OR10J1: variants seen among roughly 807,000 people sequenced by gnomAD.
OR10J1 encodes the protein olfactory receptor family 10 subfamily J member 1.
For synonymous variants in OR10J1, 202 were observed against 143.8 expected, an observed-to-expected ratio of 1.40 and a Z score of -2.89; for missense variants, 474 against 376.6, an observed-to-expected ratio of 1.26 and a Z score of -2.14.
chr1:159,430,627 GC>G, the OR10J1 span, among the ~76,000 whole-genome samples: 1 of 126,184 alleles, frequency 7.9e-6, no homozygotes, highest in Non-Finnish European at 1.7e-5. Context: ...AAGAAAGAAA[GC>G]AAAAAAATTA....
the OR10J1 span, chr1:159,432,839 G>T: frequency 7.6e-5 from 31 of 407,972 alleles, no homozygotes; most frequent in African/African-American, 6.3e-4. Context: ...TCTGCCCATG[G>T]TATTGATCTT....
At chr1:159,412,033 T>C in the OR10J1 span, among the ~76,000 whole-genome samples, 1 of 152,108 alleles carries the variant, frequency 6.6e-6, no homozygotes, top group Non-Finnish European at 1.5e-5. Context: ...AGCATTCTTA[T>C]ACACCAATAA....
At chr1:159,400,805 C>T in the OR10J1 span, among the ~76,000 whole-genome samples, 1 of 151,768 alleles carries the variant, frequency 6.6e-6, no homozygotes, top group South Asian at 2.1e-4. Context: ...CATACAAGAG[C>T]TGCAGAATAC....
the OR10J1 span, among the ~76,000 whole-genome samples, chr1:159,414,242 C>G: frequency 1.3e-5 from 2 of 152,056 alleles, no homozygotes; most frequent in Non-Finnish European, 2.9e-5. Context: ...TCATCACCAC[C>G]CTCCTACCCA....
At chr1:159,409,024 A>C in the OR10J1 span, among the ~76,000 whole-genome samples, 1 of 152,090 alleles carries the variant, frequency 6.6e-6, no homozygotes, top group South Asian at 2.1e-4. Flanking sequence ...CCAAAACACA[A>C]ATGATGAATT....
chr1:159,419,431 A>G, the OR10J1 span, among the ~76,000 whole-genome samples: 3 of 152,150 alleles, frequency 2.0e-5, no homozygotes, highest in Non-Finnish European at 2.9e-5. Context: ...GTTTGCCTGC[A>G]CAAGTTTTCT....
At chr1:159,429,778 G>C in the OR10J1 span, among the ~76,000 whole-genome samples, 1 of 152,070 alleles carries the variant, frequency 6.6e-6, no homozygotes, top group Admixed American at 6.6e-5. Context: ...GGAGAGCCTG[G>C]TGCTGCTTTT....
the OR10J1 span, among the ~76,000 whole-genome samples, chr1:159,416,385 A>G: frequency 2.0e-5 from 3 of 149,854 alleles, no homozygotes; most frequent in South Asian, 2.1e-4. Flanking sequence ...GACTTTTTTT[A>G]TCATGGGGGA....
chr1:159,407,842 GTTAA>G, the OR10J1 span, among the ~76,000 whole-genome samples: 1 of 151,986 alleles, frequency 6.6e-6, no homozygotes, highest in East Asian at 1.9e-4. Context: ...TTAGTTTCTT[GTTAA>G]TTATTTACTG....
chr1:159,417,572 C>T, the OR10J1 span, among the ~76,000 whole-genome samples: 1 of 152,158 alleles, frequency 6.6e-6, no homozygotes, highest in East Asian at 1.9e-4. Context: ...TCACTTTCTG[C>T]CTCCTCAGCC....
At chr1:159,432,329 C>G in the OR10J1 span, 1 of 401,318 alleles carries the variant, frequency 2.5e-6, no homozygotes, top group Non-Finnish European at 4.4e-6. Context: ...CCCTTGCCAG[C>G]AATGCTATCA....
chr1:159,431,649 G>A, the OR10J1 span, among the ~76,000 whole-genome samples: 1 of 152,202 alleles, frequency 6.6e-6, no homozygotes, highest in Non-Finnish European at 1.5e-5. Flanking sequence ...CTTTATAATA[G>A]TGCGAGAGTG....
chr1:159,424,296 A>G, the OR10J1 span, among the ~76,000 whole-genome samples: 1 of 151,498 alleles, frequency 6.6e-6, no homozygotes, highest in Non-Finnish European at 1.5e-5. Flanking sequence ...TGCATTAAAG[A>G]GGAAATAATT....
chr1:159,410,650 C>A, the OR10J1 span, among the ~76,000 whole-genome samples: 3 of 151,292 alleles, frequency 2.0e-5, no homozygotes, highest in Non-Finnish European at 4.4e-5. Flanking sequence ...AAAAAACCAG[C>A]TCCTGGATTC....
the OR10J1 span, among the ~76,000 whole-genome samples, chr1:159,414,195 T>C: frequency 1.3e-5 from 2 of 152,086 alleles, no homozygotes; most frequent in Non-Finnish European, 2.9e-5. Flanking sequence ...ATTTATAACT[T>C]CTAACTGTAT....
At chr1:159,422,314 C>T in the OR10J1 span, among the ~76,000 whole-genome samples, 2 of 152,126 alleles carry the variant, frequency 1.3e-5, no homozygotes, top group Non-Finnish European at 2.9e-5. Context: ...AGTGACTGCA[C>T]TGTGGCCCTA....
the OR10J1 span, among the ~76,000 whole-genome samples, chr1:159,412,296 C>G: frequency 6.0e-5 from 9 of 151,006 alleles, no homozygotes; most frequent in Admixed American, 4.6e-4. Context: ...CCATCCCCAT[C>G]AAGCTACCAA....
At chr1:159,429,640 ATTGCTGCC>A in the OR10J1 span, among the ~76,000 whole-genome samples, 1 of 152,132 alleles carries the variant, frequency 6.6e-6, no homozygotes. Flanking sequence ...GGATTGTGCT[ATTGCTGCC>A]TTGCAGACAG....
chr1:159,426,453 T>A, the OR10J1 span, among the ~76,000 whole-genome samples: 1 of 151,910 alleles, frequency 6.6e-6, no homozygotes, highest in African/African-American at 2.4e-5. Flanking sequence ...CTTATGATGT[T>A]GATAAAATAA....
Sources: gnomAD v4.1 joint callset for allele counts (sites outside exome capture counted in the v4.1 genomes callset) on GRCh38, gnomAD v4.1.1 for gene constraint, MANE v1.5 for transcripts, NCBI Gene and HGNC (gene_info 2026-07-23, HGNC 2026-07-21) for gene names.